OLFML2A: variants seen among roughly 807,000 people sequenced by gnomAD.
OLFML2A encodes olfactomedin like 2A, also known as olfactomedin-like protein 2A.
Under a neutral mutation model 60.9 loss-of-function variants are expected in OLFML2A, and 47 were observed. The ratio of observed to expected loss-of-function variants is 0.77; its 90% CI spans 0.61 to 0.98. The LOEUF (loss-of-function observed/expected upper bound fraction) is 0.98. OLFML2A is among the 50% of genes least tolerant of loss of function. The probability of loss-of-function intolerance (pLI) is 0.00; values close to 1 mark genes in which losing one functional copy is unlikely to be tolerated. For missense variants in OLFML2A, 922 were observed against 879.8 expected, an observed-to-expected ratio of 1.05 and a Z score of -0.61; for synonymous variants, 372 against 375.0, an observed-to-expected ratio of 0.99 and a Z score of 0.09.
chr9:124,803,983 TC>T, intron 5 of OLFML2A, 110 bp from the exon 6 acceptor site: 1 of 1,230,834 alleles, frequency 8.1e-7, no homozygotes. Context: ...TGAGGAGGCC[TC>T]CCCCTCCACT....
chr9:124,778,091 G>A (rs1214765578), intron 1 of OLFML2A, among the ~76,000 whole-genome samples: 3 of 152,174 alleles, frequency 2.0e-5, no homozygotes, highest in Non-Finnish European at 2.9e-5. Flanking sequence ...CGGGCGCGGT[G>A]GCTCACGCCT....
chr9:124,797,029 G>T (rs1367657654), intron 3 of OLFML2A, among the ~76,000 whole-genome samples: 3 of 152,024 alleles, frequency 2.0e-5, no homozygotes, highest in African/African-American at 4.8e-5. Flanking sequence ...TTTGAGACAG[G>T]GTCTCACTCT....
At chr9:124,780,233 A>G (rs1470401619) in intron 1 of OLFML2A, among the ~76,000 whole-genome samples, 1 of 152,242 alleles carries the variant, frequency 6.6e-6, no homozygotes, top group East Asian at 1.9e-4. Context: ...ATAGCACCGC[A>G]GACCTCTGGG....
chr9:124,808,344 G>A (rs558977779), intron 7 of OLFML2A, among the ~76,000 whole-genome samples: 1 of 152,372 alleles, frequency 6.6e-6, no homozygotes, highest in Non-Finnish European at 1.5e-5. Context: ...ACCTCCAGGA[G>A]GTGGGGTTAT....
intron 2 of OLFML2A, among the ~76,000 whole-genome samples, chr9:124,790,140 A>G (rs1445979999): frequency 6.6e-6 from 1 of 152,204 alleles, no homozygotes; most frequent in African/African-American, 2.4e-5. Flanking sequence ...GCTATGGCCT[A>G]AGATCATATA....
At position 124,809,911 on chromosome 9, in the gene OLFML2A, C is replaced by T. The variant is rs1841969614; in HGVS notation, c.1458C>T (p.Ile486=). Reference sequence around the variant, plus strand: ...ACAACCGCGCCTTCACCAAGAACATCATCAAGTACGACCTACGGCAGCGCT... The same window carrying T: ...ACAACCGCGCCTTCACCAAGAACATTATCAAGTACGACCTACGGCAGCGCT... ...FYYNRAFTKN[I]IKYDLRQRFV... The change falls in exon 8 of 8, where the codon ATC becomes ATT. Residue 486 remains isoleucine, a synonymous_variant. Transcript: ENST00000373580. 2 of 1,614,226 alleles carry T rather than the reference C, an allele frequency of 1.2e-6. No homozygotes were observed. Among genetic ancestry groups the T allele is most frequent in the East Asian group, 2.2e-5 (1 of 44,886 alleles).
intron 7 of OLFML2A, among the ~76,000 whole-genome samples, chr9:124,808,571 A>T (rs935525587): frequency 1.3e-5 from 2 of 152,154 alleles, no homozygotes; most frequent in Non-Finnish European, 2.9e-5. Flanking sequence ...TCAGTACAGC[A>T]TTAGAGGGAG....
chr9:124,800,797 G>A (rs1841759024), intron 4 of OLFML2A: 2 of 1,318,218 alleles, frequency 1.5e-6, no homozygotes, highest in African/African-American at 1.5e-5. Context: ...CACAGGCCCT[G>A]TGTTCTTGTG....
At chr9:124,792,535 A>T (rs750075081) in intron 2 of OLFML2A, among the ~76,000 whole-genome samples, 1 of 152,168 alleles carries the variant, frequency 6.6e-6, no homozygotes, top group African/African-American at 2.4e-5. Flanking sequence ...CTGAGTAAGC[A>T]TGTGCTGGCC....
chr9:124,780,223 A>G (rs1471342323), intron 1 of OLFML2A, among the ~76,000 whole-genome samples: 2 of 152,240 alleles, frequency 1.3e-5, no homozygotes, highest in African/African-American at 4.8e-5. Context: ...ACACCCAGGC[A>G]TAGCACCGCA....
rs758202658 is a variant in OLFML2A, at chr9:124,810,450, G to C, written c.*38G>C. On this transcript the variant is annotated 3_prime_UTR_variant, in exon 8 of 8. Coordinates refer to ENST00000373580, the MANE Select transcript of OLFML2A (RefSeq NM_182487.4). ...GCTCCCCGGAGAGGGGCAGCAGTGC[G>C]GGAGGGGCTTTGCACAGCAGCTCCT... 3 of 1,550,760 alleles carry C rather than the reference G, an allele frequency of 1.9e-6. No individual in the cohort carries two copies. The South Asian group carries it at 3.6e-5, about 18-fold the overall frequency.
In OLFML2A at chr9:124,804,276, A is replaced by G. The variant is rs776049632; in HGVS notation, c.1102A>G (p.Thr368Ala). The G allele has an allele frequency of 5.8e-5, 38 of 649,756 alleles. No individual in the cohort carries two copies. Among genetic ancestry groups the G allele is most frequent in the Non-Finnish European group, 8.8e-5 (36 of 410,796 alleles). 40.2% of individuals were successfully genotyped at this position (649,756 alleles called of 1,614,324 possible). ...TGCCACCACCACCACCGCCACCACC[A>G]CCCCAACCCCCACCACCAGTCTCCT... ...IPATTTTATT[T>A]PTPTTSLLPT... Residue 368 changes from threonine to alanine, a missense_variant, in exon 6 of 8, where the codon ACC becomes GCC. Transcript: ENST00000373580.
intron 2 of OLFML2A, among the ~76,000 whole-genome samples, chr9:124,791,599 A>G (rs1370006168): frequency 1.3e-5 from 2 of 152,010 alleles, no homozygotes; most frequent in African/African-American, 2.4e-5. Context: ...TTAGCCAAGT[A>G]TGGTGGCGGG....
At chr9:124,807,090 T>A (rs12341393) in intron 6 of OLFML2A, among the ~76,000 whole-genome samples, 49,424 of 145,858 alleles carry the variant, frequency 0.34, 8,900 homozygotes, top group East Asian at 0.5. Context: ...ATTAAAAAAA[T>A]TTTTTTTTTT....
chr9:124,793,119 G>A (rs944950283), intron 2 of OLFML2A, among the ~76,000 whole-genome samples: 3 of 152,236 alleles, frequency 2.0e-5, no homozygotes, highest in Admixed American at 6.5e-5. Context: ...GCCAGGACCA[G>A]GCAGGAGCAC....
At chr9:124,780,756 C>T (rs1841348511) in intron 1 of OLFML2A, among the ~76,000 whole-genome samples, 1 of 152,160 alleles carries the variant, frequency 6.6e-6, no homozygotes, top group African/African-American at 2.4e-5. Flanking sequence ...CAAGCCATGT[C>T]CCCAGCACTT....
Position 124,777,832 on chromosome 9 carries a change from G to T in OLFML2A, c.90+472G>T, listed in dbSNP as rs1018726598. 6.6e-6 allele frequency among the ~76,000 whole-genome samples: 1 copy of T among 152,190 alleles called. No individual in the cohort carries two copies. Among genetic ancestry groups the T allele is most frequent in the African/African-American group, 2.4e-5 (1 of 41,438 alleles). ...GCCTCTGATGTTCTTGCCAGGGACC[G>T]GGTGCACCCCCTGGAGGACTAGGTA... On this transcript the variant is annotated intron_variant, in intron 1 of 7. Coordinates refer to ENST00000373580, the MANE Select transcript of OLFML2A (RefSeq NM_182487.4). This position sits in a 1 kb window ranked among gnomAD's most constrained non-coding sequence, Gnocchi z 6.2.
chr9:124,799,421 T>C lies in OLFML2A; in HGVS notation c.599T>C (p.Leu200Pro). The change falls in exon 4 of 8, where the codon CTC (leucine) becomes CCC (proline). Residue 200 changes from leucine (L) to proline (P), a missense_variant. Physicochemically the swap from Leu to Pro is moderately conservative, Grantham distance 98. Transcript: ENST00000373580. ...AAGAAGGAGCTGTCCCGCCTGGGCC[T>C]CCAGCTGCTGCAGAAGGATGCCGCC... is the stretch of plus-strand genomic sequence containing the variant. ...GIKKELSRLG[L>P]QLLQKDAAAA... The C allele has an allele frequency of 3.1e-6, 5 of 1,613,424 alleles. No individual in the cohort carries two copies. The South Asian group carries it at 5.5e-5, about 18-fold the overall frequency.
intron 2 of OLFML2A, among the ~76,000 whole-genome samples, chr9:124,792,870 C>T (rs1832162600): frequency 6.6e-6 from 1 of 152,170 alleles, no homozygotes; most frequent in South Asian, 2.1e-4. Context: ...ACAGAAATGT[C>T]TATGCGCATG....
Sources: gnomAD v4.1 joint callset for allele counts (sites outside exome capture counted in the v4.1 genomes callset) on GRCh38, gnomAD v4.1.1 for gene constraint, Gnocchi (gnomAD v3.1) non-coding constraint, MANE v1.5 for transcripts, NCBI Gene and HGNC (gene_info 2026-07-23, HGNC 2026-07-21) for gene names.